BABAM2: variants seen among roughly 807,000 people sequenced by gnomAD.
BABAM2 encodes BRISC and BRCA1-A complex member 2.
Under a neutral mutation model 54.7 loss-of-function variants are expected in BABAM2, and 31 were observed. The observed-to-expected ratio is 0.57, with a 90% CI of 0.43 to 0.77. BABAM2 has a LOEUF of 0.77. Among genes scored for constraint, BABAM2 ranks in the 30% least tolerant of loss-of-function variants. The pLI, the probability that BABAM2 is intolerant of heterozygous loss-of-function variation, is 0.00. For synonymous variants in BABAM2, 167 were observed against 162.9 expected (o/e 1.03, Z -0.19); for missense variants, 364 against 455.8 (o/e 0.80, Z 1.83).
At chr2:28,323,986 A>G (rs938303383) in intron 11 of BABAM2, among the ~76,000 whole-genome samples, 1 of 152,222 alleles carries the variant, frequency 6.6e-6, no homozygotes, top group African/African-American at 2.4e-5. Flanking sequence ...TCTTGTTATC[A>G]TAGTCATAAT....
At chr2:27,946,992 G>T (rs1669347370) in intron 3 of BABAM2, among the ~76,000 whole-genome samples, 1 of 151,862 alleles carries the variant, frequency 6.6e-6, no homozygotes, top group African/African-American at 2.4e-5. Context: ...TTTCCTTGAT[G>T]AATCTAGCTA....
At chr2:28,281,076 A>G (rs958501789) in intron 10 of BABAM2, among the ~76,000 whole-genome samples, 2 of 152,104 alleles carry the variant, frequency 1.3e-5, no homozygotes, top group Non-Finnish European at 2.9e-5. Flanking sequence ...TGCTCTGTGT[A>G]TATGAACTTC....
rs1361929675 is a variant in BABAM2, at chr2:28,304,997, A to G, written c.1088+6506A>G. On this transcript the variant is annotated intron_variant, in intron 11 of 11. Coordinates refer to ENST00000379624, the MANE Select transcript of BABAM2 (RefSeq NM_199191.3). This position sits in a 1 kb window ranked among gnomAD's most constrained non-coding sequence, Gnocchi z 4.0. Reference sequence around the variant, plus strand: ...CCAGCCTGCAATTTCTTACATAAACAGTCACGCCTTATGCTAACAGCTTTA... The same window carrying G: ...CCAGCCTGCAATTTCTTACATAAACGGTCACGCCTTATGCTAACAGCTTTA... Among the ~76,000 whole-genome samples, 1 of 152,212 alleles carries G rather than the reference A, an allele frequency of 6.6e-6. No individual in the cohort carries two copies. Among genetic ancestry groups the G allele is most frequent in the Non-Finnish European group, 1.5e-5 (1 of 68,038 alleles).
intron 11 of BABAM2, among the ~76,000 whole-genome samples, chr2:28,300,264 GTCT>G: frequency 6.6e-6 from 1 of 152,274 alleles, no homozygotes; most frequent in East Asian, 1.9e-4. Context: ...ATGTCAGGGT[GTCT>G]TCTTCTAGAA....
intron 3 of BABAM2, among the ~76,000 whole-genome samples, chr2:27,969,688 C>A (rs10188108): frequency 6.6e-6 from 1 of 151,866 alleles, no homozygotes; most frequent in Admixed American, 6.6e-5. Context: ...GGGCTCGGGA[C>A]GGGGGAGGAG....
intron 3 of BABAM2, among the ~76,000 whole-genome samples, chr2:27,959,233 T>G (rs1024914592): frequency 3.3e-5 from 5 of 152,250 alleles, no homozygotes; most frequent in Non-Finnish European, 7.3e-5. Context: ...ACATGCTCCT[T>G]GTTTAAATAT....
intron 3 of BABAM2, among the ~76,000 whole-genome samples, chr2:27,975,852 A>G (rs922768808): frequency 2.6e-5 from 4 of 152,120 alleles, no homozygotes; most frequent in Admixed American, 6.5e-5. Context: ...AGTCAACATT[A>G]AGAAAACCAA....
intron 6 of BABAM2, among the ~76,000 whole-genome samples, chr2:28,046,594 T>C (rs1677596675): frequency 6.6e-6 from 1 of 152,198 alleles, no homozygotes; most frequent in Non-Finnish European, 1.5e-5. Context: ...TAATTTGATG[T>C]TGTTCAGAGA....
chr2:28,257,256 T>A (rs1684054270), intron 10 of BABAM2, among the ~76,000 whole-genome samples: 1 of 152,198 alleles, frequency 6.6e-6, no homozygotes, highest in Non-Finnish European at 1.5e-5. Flanking sequence ...ACTTAAATTT[T>A]GGCAACCACA....
At chr2:27,900,517 T>C (rs1318585099) in intron 2 of BABAM2, among the ~76,000 whole-genome samples, 1 of 152,184 alleles carries the variant, frequency 6.6e-6, no homozygotes, top group Non-Finnish European at 1.5e-5. Context: ...TAATTTATGT[T>C]TATACCTCCT....
At chr2:28,024,075 C>A (rs190287511) in intron 4 of BABAM2, among the ~76,000 whole-genome samples, 3 of 152,230 alleles carry the variant, frequency 2.0e-5, no homozygotes, top group Non-Finnish European at 4.4e-5. Context: ...TCTGTTGTCA[C>A]ACATACTCAG....
At chr2:27,950,193 T>A (rs180724567) in intron 3 of BABAM2, among the ~76,000 whole-genome samples, 2 of 152,312 alleles carry the variant, frequency 1.3e-5, no homozygotes. Context: ...GAAGTCAAGA[T>A]GACAGGTAAC....
intron 7 of BABAM2, among the ~76,000 whole-genome samples, chr2:28,231,875 A>G (rs1030224616): frequency 2.1e-4 from 28 of 134,996 alleles, no homozygotes; most frequent in African/African-American, 7.8e-4. Flanking sequence ...TGGTATAAGC[A>G]TGGCACATTG....
chr2:27,929,411 A>G (rs1667937275), intron 2 of BABAM2, among the ~76,000 whole-genome samples: 1 of 152,228 alleles, frequency 6.6e-6, no homozygotes, highest in Non-Finnish European at 1.5e-5. Flanking sequence ...GAAAAAGGCT[A>G]AAAGTGGGCT....
At chr2:28,102,708 G>A (rs1667190552) in intron 6 of BABAM2, among the ~76,000 whole-genome samples, 1 of 152,158 alleles carries the variant, frequency 6.6e-6, no homozygotes, top group African/African-American at 2.4e-5. Context: ...TATTTCACAT[G>A]TTACCACTGT....
At chr2:27,997,243 A>G (rs1573357048) in intron 4 of BABAM2, among the ~76,000 whole-genome samples, 1 of 152,102 alleles carries the variant, frequency 6.6e-6, no homozygotes, top group Non-Finnish European at 1.5e-5. Context: ...CATTGTTAAC[A>G]TGGCATCTCT....
intron 11 of BABAM2, among the ~76,000 whole-genome samples, chr2:28,332,779 G>C (rs1691078318): frequency 6.6e-6 from 1 of 152,294 alleles, no homozygotes; most frequent in Middle Eastern, 3.4e-3. Flanking sequence ...GACACGCAAG[G>C]GCTGGAGGTG....
At chr2:28,173,748 G>C (rs530010852) in intron 7 of BABAM2, among the ~76,000 whole-genome samples, 1 of 152,340 alleles carries the variant, frequency 6.6e-6, no homozygotes, top group East Asian at 1.9e-4. Context: ...CTTTCTGTTT[G>C]ATTTATCAAT....
At chr2:28,085,696 G>C (rs906799092) in intron 6 of BABAM2, among the ~76,000 whole-genome samples, 3 of 152,046 alleles carry the variant, frequency 2.0e-5, no homozygotes, top group Admixed American at 6.5e-5. Context: ...GATTCTTCTT[G>C]TTGTGCTACC....
Sources: gnomAD v4.1 joint callset for allele counts (sites outside exome capture counted in the v4.1 genomes callset) on GRCh38, gnomAD v4.1.1 for gene constraint, Gnocchi (gnomAD v3.1) non-coding constraint, MANE v1.5 for transcripts, NCBI Gene and HGNC (gene_info 2026-07-23, HGNC 2026-07-21) for gene names.